RTN4R: variants seen among roughly 807,000 people sequenced by gnomAD.
The protein encoded by RTN4R is reticulon 4 receptor.
A neutral mutation model predicts 27.7 loss-of-function variants in RTN4R; 4 were observed. The observed-to-expected ratio is 0.14, with a 90% CI of 0.07 to 0.33. The LOEUF (loss-of-function observed/expected upper bound fraction) is 0.33, where lower values mean the gene tolerates loss of function less well. RTN4R is among the 10% of genes least tolerant of loss of function. The pLI, the probability that RTN4R is intolerant of heterozygous loss-of-function variation, is 1.00. For synonymous variants in RTN4R, 290 were observed against 305.6 expected (o/e 0.95, Z 0.53); for missense variants, 554 against 671.5 (o/e 0.83, Z 1.93).
In RTN4R at chr22:20,268,159, G is replaced by A. The variant is rs1331461624; in HGVS notation, c.-67C>T. ...TCGGGGCGGGCGCCCGTCTCCCCGC[G>A]GCCGGGTCCGCATCCAGGCGCCGCC... is the stretch of plus-strand genomic sequence containing the variant. On this transcript the variant is annotated 5_prime_UTR_variant, in exon 1 of 2. Coordinates refer to ENST00000043402, the MANE Select transcript of RTN4R (RefSeq NM_023004.6). 4.9e-5 allele frequency: 45 copies of A among 923,334 alleles called. No individual in the cohort carries two copies. The East Asian group carries it at 1.4e-3, about 29-fold the overall frequency. The allele number at this position is 923,334 out of a possible 1,614,324, so 57.2% of individuals were successfully genotyped here.
At chr22:20,251,354 G>A (rs528525252) in intron 1 of RTN4R, among the ~76,000 whole-genome samples, 3 of 152,186 alleles carry the variant, frequency 2.0e-5, no homozygotes, top group South Asian at 2.1e-4. Flanking sequence ...AAGGGAGTGC[G>A]GTCCCTCCTT....
chr22:20,251,764 C>A (rs1200547512), intron 1 of RTN4R, among the ~76,000 whole-genome samples: 3 of 13,414 alleles, frequency 2.2e-4, no homozygotes, highest in African/African-American at 2.7e-4. Context: ...CACTATCATC[C>A]TCATCACCAT....
chr22:20,242,210 C>G lies in RTN4R; in HGVS notation c.923G>C (p.Gly308Ala). Residue 308 changes from glycine (G) to alanine (A), a missense_variant, in exon 2 of 2, where the codon GGC (glycine) becomes GCC (alanine). By Grantham distance (60) the Gly-to-Ala change is moderately conservative. This residue lies in a region of RTN4R where 413 missense variants were observed against 542.3 expected (regional missense o/e 0.76). Coordinates refer to ENST00000043402, the MANE Select transcript of RTN4R (RefSeq NM_023004.6). The stretch of plus-strand genomic sequence containing the variant: ...GTAAGGGCCGGTGGCCACAGCGCAG[C>G]CCTGCAGGTCATTGGCAGCTAGGCG... ...LKRLAANDLQ[G>A]CAVATGPYHP... The G allele has an allele frequency of 6.2e-7, 1 of 1,607,974 alleles. No individual in the cohort carries two copies. Among genetic ancestry groups the G allele is most frequent in the Non-Finnish European group, 8.5e-7 (1 of 1,177,916 alleles).
intron 1 of RTN4R, among the ~76,000 whole-genome samples, chr22:20,262,630 T>C (rs983677805): frequency 6.6e-6 from 1 of 152,084 alleles, no homozygotes; most frequent in Non-Finnish European, 1.5e-5. Context: ...CCCACCCACT[T>C]CCTCCAGAGC....
rs1355461069 is a variant in RTN4R, at chr22:20,241,845, G to A, written c.1288C>T (p.Arg430Cys). Residue 430 changes from arginine to cysteine, a missense_variant, in exon 2 of 2, where the codon CGT becomes TGT. By Grantham distance (180) the Arg-to-Cys change is radical. Coordinates refer to ENST00000043402, the MANE Select transcript of RTN4R (RefSeq NM_023004.6). ...SRKNRTRSHC[R>C]LGQAGSGGGG... ...CCCCCGCTGCCTGCCTGGCCCAGAC[G>A]GCAGTGGCTGCGGGTGCGGTTCTTG... is the stretch of plus-strand genomic sequence containing the variant. 8.1e-6 allele frequency: 13 copies of A among 1,608,152 alleles called. No homozygotes were observed. The highest frequency in any genetic ancestry group is 1.0e-5 in the Non-Finnish European group (12 of 1,178,160).
At chr22:20,251,837 T>A (rs1211439253) in intron 1 of RTN4R, among the ~76,000 whole-genome samples, 1 of 147,284 alleles carries the variant, frequency 6.8e-6, no homozygotes, top group Non-Finnish European at 1.5e-5. Flanking sequence ...ATTATCATCA[T>A]CACCATCCTC....
chr22:20,246,587 C>T (rs1331056535), intron 1 of RTN4R, among the ~76,000 whole-genome samples: 1 of 152,176 alleles, frequency 6.6e-6, no homozygotes, highest in Non-Finnish European at 1.5e-5. Context: ...GTCAGCAGCT[C>T]ACCCCAGCAG....
intron 1 of RTN4R, among the ~76,000 whole-genome samples, chr22:20,246,526 G>A (rs1236207366): frequency 1.3e-5 from 2 of 152,052 alleles, no homozygotes; most frequent in Non-Finnish European, 2.9e-5. Context: ...AGGTGGCGGT[G>A]GGAGGCTCTG....
intron 1 of RTN4R, among the ~76,000 whole-genome samples, chr22:20,254,169 C>T (rs539864291): frequency 1.6e-4 from 25 of 152,174 alleles, no homozygotes; most frequent in African/African-American, 2.2e-4. Flanking sequence ...CAGTGCACGC[C>T]GGTAATCCCA....
chr22:20,246,889 C>T (rs1758460952), intron 1 of RTN4R, among the ~76,000 whole-genome samples: 1 of 152,244 alleles, frequency 6.6e-6, no homozygotes, highest in African/African-American at 2.4e-5. Context: ...AGTGAGACAG[C>T]AATACATTTA....
intron 1 of RTN4R, among the ~76,000 whole-genome samples, chr22:20,254,129 C>T (rs1430151892): frequency 2.0e-5 from 3 of 152,172 alleles, no homozygotes; most frequent in African/African-American, 7.2e-5. Flanking sequence ...AGAAGCTGGT[C>T]ACAAAGAGGC....
chr22:20,251,429 C>A (rs2051176035), intron 1 of RTN4R, among the ~76,000 whole-genome samples: 1 of 151,808 alleles, frequency 6.6e-6, no homozygotes, highest in Non-Finnish European at 1.5e-5. Context: ...AGACCCATAG[C>A]CAAGATTGTG....
In RTN4R at chr22:20,242,823, G is replaced by T; in HGVS notation, c.310C>A (p.Leu104Met). 6.2e-7 allele frequency: 1 copy of T among 1,613,068 alleles called. No homozygotes were observed. The highest frequency in any genetic ancestry group is 1.7e-5 in the Admixed American group (1 of 60,032). ...AGGTCCAGCTGCTCCAGGAGGGCCA[G>T]GCCAGTGAAGGCAGCCGCATCAATT... ...ARIDAAAFTGLALLEQLDLSD... is the reference protein window; with the variant it reads ...ARIDAAAFTGMALLEQLDLSD... The change falls in exon 2 of 2, where the codon CTG becomes ATG. Residue 104 changes from leucine to methionine, a missense_variant. By Grantham distance (15) the Leu-to-Met change is conservative. Coordinates refer to ENST00000043402, the MANE Select transcript of RTN4R (RefSeq NM_023004.6).
At chr22:20,258,631 GCCCTC>G (rs1032563873) in intron 1 of RTN4R, among the ~76,000 whole-genome samples, 1 of 152,316 alleles carries the variant, frequency 6.6e-6, no homozygotes, top group African/African-American at 2.4e-5. Flanking sequence ...CAGGACTGCA[GCCCTC>G]CCCTCCCCTC....
chr22:20,254,856 G>A (rs2051203080), intron 1 of RTN4R, among the ~76,000 whole-genome samples: 1 of 152,066 alleles, frequency 6.6e-6, no homozygotes, highest in Non-Finnish European at 1.5e-5. Context: ...GTGGTGGATG[G>A]GTAAAAAACA....
chr22:20,268,155 C>G lies in RTN4R; in HGVS notation c.-63G>C. ...CGTTTCGGGGCGGGCGCCCGTCTCC[C>G]CGCGGCCGGGTCCGCATCCAGGCGC... On this transcript the variant is annotated 5_prime_UTR_variant, in exon 1 of 2. Coordinates refer to ENST00000043402, the MANE Select transcript of RTN4R (RefSeq NM_023004.6). 1 of 979,476 alleles carries G rather than the reference C, an allele frequency of 1.0e-6. No individual in the cohort carries two copies. The allele number at this position is 979,476 out of a possible 1,614,324, so 60.7% of individuals were successfully genotyped here.
chr22:20,244,437 G>A (rs780209608), intron 1 of RTN4R, among the ~76,000 whole-genome samples: 6 of 152,190 alleles, frequency 3.9e-5, no homozygotes, highest in African/African-American at 7.2e-5. Context: ...GGGCATGTGC[G>A]TCCTCCCAGA....
At chr22:20,244,250 G>A (rs1033587611) in intron 1 of RTN4R, among the ~76,000 whole-genome samples, 3 of 152,260 alleles carry the variant, frequency 2.0e-5, no homozygotes, top group Non-Finnish European at 2.9e-5. Flanking sequence ...TGCTGGGGTT[G>A]GAGCCGGGCA....
intron 1 of RTN4R, among the ~76,000 whole-genome samples, chr22:20,263,965 C>T (rs2145986180): frequency 6.6e-6 from 1 of 152,370 alleles, no homozygotes; most frequent in Admixed American, 6.5e-5. Flanking sequence ...GCACAAATGG[C>T]TGCCCAGACT....
Sources: allele counts gnomAD v4.1 joint callset (sites outside exome capture counted in the v4.1 genomes callset), GRCh38; gene constraint gnomAD v4.1.1; regional missense constraint gnomAD v4.1.1; transcripts MANE v1.5; gene names NCBI Gene and HGNC (gene_info 2026-07-23, HGNC 2026-07-21).